Variants in IL1RAPL1 observed in about 807,000 individuals in gnomAD.
IL1RAPL1 encodes interleukin-1 receptor accessory protein-like 1.
In IL1RAPL1, 3 loss-of-function variants were observed where a neutral mutation model predicts 48.4. That is an observed-to-expected ratio of 0.06 (90% CI 0.03 to 0.16). The LOEUF (loss-of-function observed/expected upper bound fraction) is 0.16, where lower values mean the gene tolerates loss of function less well. Ranked by LOEUF, IL1RAPL1 falls within the 10% of genes least tolerant of loss-of-function variation. The pLI, the probability that IL1RAPL1 is intolerant of heterozygous loss-of-function variation, is 1.00. For synonymous variants in IL1RAPL1, 185 were observed against 187.7 expected, an observed-to-expected ratio of 0.99 and a Z score of 0.12; for missense variants, 349 against 530.6, an observed-to-expected ratio of 0.66 and a Z score of 3.36.
chrX:29,445,286 A>G (rs922184836), intron 5 of IL1RAPL1, among the ~76,000 whole-genome samples: 4 of 112,287 alleles, frequency 3.6e-5, no homozygotes, highest in Non-Finnish European at 7.5e-5. Context: ...TCCATGCACT[A>G]AAAGGCACAC....
chrX:28,805,647 T>C (rs1244117825), intron 2 of IL1RAPL1, among the ~76,000 whole-genome samples: 1 of 111,040 alleles, frequency 9.0e-6, no homozygotes, highest in African/African-American at 3.3e-5. Flanking sequence ...CATATGCACA[T>C]GTATCCACTC....
chrX:29,650,322 A>G (rs1925475693), intron 5 of IL1RAPL1, among the ~76,000 whole-genome samples: 1 of 111,989 alleles, frequency 8.9e-6, no homozygotes, highest in Non-Finnish European at 1.9e-5. Flanking sequence ...AGCCAATGCA[A>G]TCTTGAGCAA....
At chrX:29,683,612 G>A (rs1926528229) in intron 6 of IL1RAPL1, among the ~76,000 whole-genome samples, 1 of 112,249 alleles carries the variant, frequency 8.9e-6, no homozygotes, top group Admixed American at 9.4e-5. Flanking sequence ...CTATACATTA[G>A]TGTATTGAAT....
Position 29,446,975 on chromosome X carries a change from G to A in IL1RAPL1, c.703+47667G>A, listed in dbSNP as rs1424392329. ...ATTATATATAGTTTAAAAACGATTG[G>A]ATTCTACATGATCTTATTTTGAATG... On this transcript the variant is annotated intron_variant, in intron 5 of 10. Coordinates refer to ENST00000378993, the MANE Select transcript of IL1RAPL1 (RefSeq NM_014271.4). Among the ~76,000 whole-genome samples the A allele has an allele frequency of 2.7e-5, 3 of 111,269 alleles. No homozygotes were observed. The Admixed American group carries it at 2.9e-4, about 11-fold the overall frequency.
intron 2 of IL1RAPL1, chrX:28,942,590 A>G (rs1191030519): frequency 9.4e-6 from 1 of 106,338 alleles, no homozygotes; most frequent in African/African-American, 3.4e-5. Context: ...AAAAAAGTTG[A>G]CCATAATATA....
intron 6 of IL1RAPL1, among the ~76,000 whole-genome samples, chrX:29,887,508 G>A (rs938647659): frequency 1.3e-4 from 15 of 111,529 alleles, no homozygotes; most frequent in African/African-American, 4.9e-4. Flanking sequence ...TTGCATTGGT[G>A]GTGGTGAGTG....
At chrX:28,990,932 G>A (rs1186893181) in intron 2 of IL1RAPL1, among the ~76,000 whole-genome samples, 1 of 111,488 alleles carries the variant, frequency 9.0e-6, no homozygotes, top group Non-Finnish European at 1.9e-5. Context: ...CCTACAATTA[G>A]GGACAACAAT....
At chrX:29,279,265 G>T (rs774296509) in intron 2 of IL1RAPL1, among the ~76,000 whole-genome samples, 1 of 110,564 alleles carries the variant, frequency 9.0e-6, no homozygotes, top group South Asian at 3.9e-4. Context: ...GTGAAACCAC[G>T]TCTCTACTAA....
At chrX:28,909,199 C>T (rs1435661758) in intron 2 of IL1RAPL1, among the ~76,000 whole-genome samples, 1 of 111,355 alleles carries the variant, frequency 9.0e-6, no homozygotes, top group Admixed American at 9.6e-5. Flanking sequence ...AATATTGATA[C>T]AGATGGATTA....
intron 2 of IL1RAPL1, among the ~76,000 whole-genome samples, chrX:29,246,150 CT>C (rs761809643): frequency 0.053 from 2,776 of 51,953 alleles, 175 homozygotes; most frequent in African/African-American, 0.18. Flanking sequence ...TCTCATCGCT[CT>C]TTTTTTTTTT....
intron 1 of IL1RAPL1, among the ~76,000 whole-genome samples, chrX:28,681,505 G>A (rs1935058913): frequency 9.0e-6 from 1 of 111,261 alleles, no homozygotes; most frequent in Non-Finnish European, 1.9e-5. Context: ...GGGTTGGGGG[G>A]AAAGAGGAAT....
intron 2 of IL1RAPL1, among the ~76,000 whole-genome samples, chrX:28,855,178 C>A (rs1255598186): frequency 9.0e-6 from 1 of 111,012 alleles, no homozygotes; most frequent in Non-Finnish European, 1.9e-5. Context: ...CACCACCATG[C>A]CTGGCTGATT....
At chrX:29,469,873 G>A (rs770636567) in intron 5 of IL1RAPL1, among the ~76,000 whole-genome samples, 1 of 111,777 alleles carries the variant, frequency 8.9e-6, no homozygotes, top group East Asian at 2.8e-4. Context: ...GTGAAAACAG[G>A]GGGTAGCTTT....
chrX:29,813,900 T>C (rs1930432498), intron 6 of IL1RAPL1, among the ~76,000 whole-genome samples: 2 of 111,892 alleles, frequency 1.8e-5, no homozygotes, highest in Admixed American at 9.5e-5. Flanking sequence ...GCTACATGCA[T>C]GTTGCTTCAA....
intron 1 of IL1RAPL1, among the ~76,000 whole-genome samples, chrX:28,780,331 G>A (rs1342170660): frequency 1.3e-5 from 1 of 76,576 alleles, no homozygotes; most frequent in Non-Finnish European, 2.4e-5. Flanking sequence ...GTGTGTGTGT[G>A]TATGTGTGTG....
chrX:29,414,025 CTTTT>C (rs1438363081), intron 5 of IL1RAPL1, among the ~76,000 whole-genome samples: 1 of 110,314 alleles, frequency 9.1e-6, no homozygotes. Context: ...TTTTTCTATA[CTTTT>C]TTTTGCAATA....
intron 8 of IL1RAPL1, among the ~76,000 whole-genome samples, chrX:29,926,898 A>C (rs1932896490): frequency 8.9e-6 from 1 of 111,938 alleles, no homozygotes; most frequent in East Asian, 2.8e-4. Context: ...TTCAACACTT[A>C]AGCTGCTCAA....
At chrX:29,682,058 CT>C (rs1414612797) in intron 6 of IL1RAPL1, among the ~76,000 whole-genome samples, 1 of 111,734 alleles carries the variant, frequency 8.9e-6, no homozygotes, top group Non-Finnish European at 1.9e-5. Flanking sequence ...ACACATACCC[CT>C]ATTAGTATGT....
chrX:29,956,119 G>A lies in IL1RAPL1; in HGVS notation c.*299G>A. On this transcript the variant is annotated 3_prime_UTR_variant, in exon 11 of 11. Transcript: ENST00000378993. ...TGTGTAGATAGAAAACCCTTTTTTT[G>A]CTTCATTAGTTTAGTTTTAGAATGG... 3.4e-6 allele frequency: 1 copy of A among 294,519 alleles called. No individual in the cohort carries two copies. The highest frequency in any genetic ancestry group is 6.7e-5 in the South Asian group (1 of 14,862). The allele number at this position is 294,519 out of a possible 1,213,427, so 24.3% of individuals were successfully genotyped here.
Sources: allele counts gnomAD v4.1 joint callset (sites outside exome capture counted in the v4.1 genomes callset), GRCh38; gene constraint gnomAD v4.1.1; transcripts MANE v1.5; gene names NCBI Gene and HGNC (gene_info 2026-07-23, HGNC 2026-07-21).